The following ZNF30 variants were observed in gnomAD, a reference collection of about 807,000 sequenced individuals.
The protein encoded by ZNF30 is zinc finger protein 30 (KOX 28).
Under a neutral mutation model 13.2 loss-of-function variants are expected in ZNF30, and 15 were observed. The ratio of observed to expected loss-of-function variants is 1.13; its 90% CI spans 0.76 to 1.75. The LOEUF (loss-of-function observed/expected upper bound fraction) is 1.75, where lower values mean the gene tolerates loss of function less well. Ranked by LOEUF, ZNF30 falls within the 40% of genes most tolerant of loss-of-function variation. ZNF30 has a pLI of 0.00. For synonymous variants in ZNF30, 223 were observed against 256.6 expected, an observed-to-expected ratio of 0.87 and a Z score of 1.25; for missense variants, 726 against 757.0, an observed-to-expected ratio of 0.96 and a Z score of 0.48.
At chr19:34,937,966 T>C (rs984149859) in intron 4 of ZNF30, among the ~76,000 whole-genome samples, 2 of 152,082 alleles carry the variant, frequency 1.3e-5, no homozygotes, top group Non-Finnish European at 2.9e-5. Context: ...TGGCTAATTT[T>C]TGTATTTTTA....
chr19:34,927,693 A>G (rs1350935509), intron 1 of ZNF30, among the ~76,000 whole-genome samples: 3 of 152,264 alleles, frequency 2.0e-5, no homozygotes, highest in Non-Finnish European at 4.4e-5. Context: ...CATATTGCAC[A>G]GAAATAGGAC....
intron 3 of ZNF30, among the ~76,000 whole-genome samples, chr19:34,933,370 T>G (rs1022456535): frequency 6.6e-6 from 1 of 152,012 alleles, no homozygotes; most frequent in South Asian, 2.1e-4. Context: ...GGAGAATTGC[T>G]TGAACCCGGG....
At chr19:34,935,315 A>G (rs1175724769) in intron 4 of ZNF30, among the ~76,000 whole-genome samples, 3 of 152,226 alleles carry the variant, frequency 2.0e-5, no homozygotes, top group African/African-American at 4.8e-5. Context: ...AAGAATTTTC[A>G]TATACCCTTC....
chr19:34,936,634 G>A (rs971395350), intron 4 of ZNF30, among the ~76,000 whole-genome samples: 2 of 152,182 alleles, frequency 1.3e-5, no homozygotes, highest in South Asian at 4.1e-4. Flanking sequence ...GGTGGCTCAT[G>A]CCTGGAATCC....
upstream of ZNF30, among the ~76,000 whole-genome samples, chr19:34,925,817 C>A (rs950676820): frequency 6.6e-6 from 1 of 151,984 alleles, no homozygotes; most frequent in Non-Finnish European, 1.5e-5. Context: ...CCCTTCCCCA[C>A]CTCCTTATCA....
At chr19:34,924,787 T>C (rs1187656265), upstream of ZNF30, among the ~76,000 whole-genome samples, 1 of 152,192 alleles carries the variant, frequency 6.6e-6, no homozygotes, top group East Asian at 1.9e-4. Flanking sequence ...AAATGAACAC[T>C]TTAGACATGA....
intron 1 of ZNF30, among the ~76,000 whole-genome samples, chr19:34,928,240 T>G (rs1363196920): frequency 1.8e-5 from 2 of 108,892 alleles, no homozygotes; most frequent in South Asian, 2.9e-4. Flanking sequence ...TATATATATA[T>G]ATATATATAT....
intron 4 of ZNF30, among the ~76,000 whole-genome samples, chr19:34,936,790 G>A (rs771888086): frequency 1.3e-5 from 2 of 152,018 alleles, no homozygotes; most frequent in Non-Finnish European, 2.9e-5. Flanking sequence ...CAGCTACTTG[G>A]GAGACTGAGG....
At chr19:34,942,396 G>A (rs1294342577) in intron 4 of ZNF30, among the ~76,000 whole-genome samples, 1 of 151,748 alleles carries the variant, frequency 6.6e-6, no homozygotes, top group Non-Finnish European at 1.5e-5. Flanking sequence ...GCATTGAGCT[G>A]TGGTTGTGCC....
chr19:34,943,369 C>G lies in ZNF30; in HGVS notation c.403C>G (p.Pro135Ala), dbSNP rs2013145333. 6.2e-7 allele frequency: 1 copy of G among 1,613,780 alleles called. No individual in the cohort carries two copies. Among genetic ancestry groups the G allele is most frequent in the African/African-American group, 1.3e-5 (1 of 74,884 alleles). ...AAAGACCCTTTGTCAAGACTCAAAG[C>G]CTGTTCAACATGAAAGAATACATAG... ...YGKTLCQDSK[P>A]VQHERIHSSE... The change falls in exon 5 of 5, where the codon CCT (proline) becomes GCT (alanine). Residue 135 changes from proline (P) to alanine (A), a missense_variant. Physicochemically the swap from Pro to Ala is conservative, Grantham distance 27 (BLOSUM62 -1). Transcript: ENST00000601142.
intron 1 of ZNF30, 63 bp from the exon 2 acceptor site, chr19:34,929,821 G>T (rs2012341734): frequency 2.4e-6 from 2 of 835,348 alleles, no homozygotes; most frequent in South Asian, 3.9e-5. Context: ...GGGACAGGAA[G>T]GTTTATTAAT....
At chr19:34,936,881 G>GC in intron 4 of ZNF30, among the ~76,000 whole-genome samples, 1 of 151,958 alleles carries the variant, frequency 6.6e-6, no homozygotes, top group Non-Finnish European at 1.5e-5. Context: ...GGGCAACAGA[G>GC]AAAACCCCTG....
chr19:34,943,658 C>A lies in ZNF30; in HGVS notation c.692C>A (p.Pro231Gln), dbSNP rs775559412. ...VHKSIHTGKK[P>Q]YECGECGKAF... ...AAGAGTATTCATACTGGGAAGAAAC[C>A]ATATGAGTGCGGGGAATGTGGGAAA... is the stretch of plus-strand genomic sequence containing the variant. The change falls in exon 5 of 5, where the codon CCA becomes CAA. Residue 231 changes from proline to glutamine, a missense_variant. Physicochemically the swap from Pro to Gln is moderately conservative, Grantham distance 76 (BLOSUM62 -1). Transcript: ENST00000601142. 1 of 1,613,700 alleles carries A rather than the reference C, an allele frequency of 6.2e-7. No homozygotes were observed. The highest frequency in any genetic ancestry group is 1.7e-5 in the Admixed American group (1 of 59,974).
At chr19:34,935,217 C>A (rs1003101388) in intron 4 of ZNF30, among the ~76,000 whole-genome samples, 7 of 148,682 alleles carry the variant, frequency 4.7e-5, no homozygotes, top group Non-Finnish European at 7.4e-5. Flanking sequence ...GGCGACAGAG[C>A]GAGACTCCGT....
In ZNF30 at chr19:34,943,230, G is replaced by T; in HGVS notation, c.264G>T (p.Gln88His). The T allele has an allele frequency of 6.6e-7, 1 of 1,524,636 alleles. No homozygotes were observed. The highest frequency in any genetic ancestry group is 8.8e-7 in the Non-Finnish European group (1 of 1,135,176). 94.4% of individuals were successfully genotyped at this position (1,524,636 alleles called of 1,614,324 possible). Residue 88 changes from glutamine (Q) to histidine (H), a missense_variant, in exon 5 of 5, where the codon CAG becomes CAT. Coordinates refer to ENST00000601142, the MANE Select transcript of ZNF30 (RefSeq NM_194325.3). The part of the protein sequence containing the change: ...KDGRRWCTDL[Q>H]LEDDTIGCKE... ...TTTAAAATTTTCTTTCAGATTTGCA[G>T]TTGGAAGATGATACAATCGGCTGTA...
chr19:34,936,949 T>C (rs1013105072), intron 4 of ZNF30, among the ~76,000 whole-genome samples: 1 of 152,152 alleles, frequency 6.6e-6, no homozygotes, highest in East Asian at 1.9e-4. Context: ...TTTAAAGCCA[T>C]GGCACTGGCT....
At chr19:34,942,165 G>A (rs565640975) in intron 4 of ZNF30, among the ~76,000 whole-genome samples, 8 of 152,236 alleles carry the variant, frequency 5.3e-5, no homozygotes, top group South Asian at 2.1e-4. Flanking sequence ...ATAGAAGGCC[G>A]GACTCATTGG....
chr19:34,925,019 G>T (rs752673919), upstream of ZNF30, among the ~76,000 whole-genome samples: 1 of 152,206 alleles, frequency 6.6e-6, no homozygotes, highest in Non-Finnish European at 1.5e-5. Flanking sequence ...TAAGAGAAAA[G>T]TTCCCTTGTC....
intron 2 of ZNF30, among the ~76,000 whole-genome samples, chr19:34,931,485 T>A (rs2012450322): frequency 6.6e-6 from 1 of 152,232 alleles, no homozygotes; most frequent in Non-Finnish European, 1.5e-5. Flanking sequence ...GAGAAAGGAA[T>A]CATAGCTATT....
Sources: gnomAD v4.1 joint callset for allele counts (sites outside exome capture counted in the v4.1 genomes callset) on GRCh38, gnomAD v4.1.1 for gene constraint, MANE v1.5 for transcripts, NCBI Gene and HGNC (gene_info 2026-07-23, HGNC 2026-07-21) for gene names.